ERC2: variants seen among roughly 807,000 people sequenced by gnomAD.
The protein encoded by ERC2 is ERC protein 2.
ERC2 carries 42 observed loss-of-function variants against 114.8 expected under a neutral mutation model. The observed-to-expected ratio is 0.37, with a 90% CI of 0.29 to 0.47. The LOEUF (loss-of-function observed/expected upper bound fraction) is 0.47, where lower values mean the gene tolerates loss of function less well. Among genes scored for constraint, ERC2 ranks in the 20% least tolerant of loss-of-function variants. The pLI is 0.99. For synonymous variants in ERC2, 454 were observed against 425.5 expected (o/e 1.07, Z -0.82); for missense variants, 939 against 1,150.7 (o/e 0.82, Z 2.66).
chr3:56,155,139 T>A (rs1379610988), intron 4 of ERC2, among the ~76,000 whole-genome samples: 1 of 152,190 alleles, frequency 6.6e-6, no homozygotes, highest in Non-Finnish European at 1.5e-5. Flanking sequence ...CTGCCCAGCT[T>A]CCTTTCCTTT....
At chr3:56,214,423 C>T (rs1270192930) in intron 3 of ERC2, among the ~76,000 whole-genome samples, 1 of 151,824 alleles carries the variant, frequency 6.6e-6, no homozygotes, top group Non-Finnish European at 1.5e-5. Context: ...TGAAATGAAG[C>T]ATGAAGAGAA....
chr3:55,936,538 T>A (rs1010800577), intron 13 of ERC2, among the ~76,000 whole-genome samples: 2 of 152,154 alleles, frequency 1.3e-5, no homozygotes, highest in African/African-American at 4.8e-5. Context: ...AGAAAGAGCA[T>A]TCAGAGAAAG....
At chr3:55,930,654 G>T (rs1464684977) in intron 13 of ERC2, among the ~76,000 whole-genome samples, 1 of 152,164 alleles carries the variant, frequency 6.6e-6, no homozygotes. Context: ...AAAAACCCTA[G>T]AAGAAAACCT....
chr3:56,203,931 C>T (rs1423066959), intron 3 of ERC2, among the ~76,000 whole-genome samples: 1 of 152,332 alleles, frequency 6.6e-6, no homozygotes, highest in Non-Finnish European at 1.5e-5. Flanking sequence ...CCTGTAATCC[C>T]AGCACTTTGG....
chr3:55,523,166 A>C (rs907100164), intron 17 of ERC2, among the ~76,000 whole-genome samples: 1 of 152,160 alleles, frequency 6.6e-6, no homozygotes, highest in Non-Finnish European at 1.5e-5. Context: ...TTCCGGGGGC[A>C]CCCTTGAAGC....
intron 10 of ERC2, among the ~76,000 whole-genome samples, chr3:56,001,627 C>T (rs1260551377): frequency 6.6e-6 from 1 of 152,088 alleles, no homozygotes; most frequent in Non-Finnish European, 1.5e-5. Flanking sequence ...GTTGATGATG[C>T]CATGTCACTG....
Position 56,283,201 on chromosome 3 carries a change from T to C in ERC2, c.1074+12818A>G, listed in dbSNP as rs2054463701. Among the ~76,000 whole-genome samples the C allele has an allele frequency of 2.6e-5, 4 of 152,362 alleles. No individual in the cohort carries two copies. In the South Asian group the frequency reaches 8.3e-4, roughly 32 times the overall value. ...AAGATTTAGCCATCGTGCACCATTC[T>C]GTCCTTTAAAGCAGCTAAAGCTTGA... On this transcript the variant is annotated intron_variant, in intron 3 of 17. Coordinates refer to ENST00000288221, the MANE Select transcript of ERC2 (RefSeq NM_015576.3).
chr3:56,007,155 GA>G (rs1197862660), intron 10 of ERC2, 25 bp downstream of exon 10: 1 of 1,528,790 alleles, frequency 6.5e-7, no homozygotes, highest in African/African-American at 1.4e-5. Context: ...AAATAAGCAT[GA>G]TTCTTTTTCT....
At chr3:56,136,158 C>A (rs999514272) in intron 6 of ERC2, among the ~76,000 whole-genome samples, 3 of 152,124 alleles carry the variant, frequency 2.0e-5, no homozygotes, top group Non-Finnish European at 4.4e-5. Flanking sequence ...CACCTCACCC[C>A]ACCCTTCATC....
rs59260283 is a variant in ERC2, at chr3:55,714,661, G to GTATATATATATATGTATATATATA, written c.2713-15150_2713-15149insTATATATATACATATATATATATA. 2.5e-4 allele frequency among the ~76,000 whole-genome samples: 18 copies of GTATATATATATATGTATATATATA among 71,762 alleles called. No homozygotes were observed. In the East Asian group the frequency reaches 2.7e-3, roughly 11 times the overall value. 47.1% of individuals were successfully genotyped at this position (71,762 alleles called of 152,430 possible). ...TATATGTGTGTGTGTGTGTGTGTGT[G>GTATATATATATATGTATATATATA]TGTGTGTATATATATATATATATAT... On this transcript the variant is annotated intron_variant, in intron 15 of 17. Coordinates refer to ENST00000288221, the MANE Select transcript of ERC2 (RefSeq NM_015576.3).
chr3:56,150,369 T>C (rs2081354521), intron 4 of ERC2, among the ~76,000 whole-genome samples: 1 of 152,164 alleles, frequency 6.6e-6, no homozygotes, highest in South Asian at 2.1e-4. Flanking sequence ...ATAGTAATTA[T>C]CATTGTTATT....
intron 2 of ERC2, among the ~76,000 whole-genome samples, chr3:56,329,893 A>G (rs1404190030): frequency 6.6e-6 from 1 of 151,178 alleles, no homozygotes; most frequent in Non-Finnish European, 1.5e-5. Flanking sequence ...TATTTCCACT[A>G]TATATATTTC....
intron 2 of ERC2, among the ~76,000 whole-genome samples, chr3:56,401,355 A>T (rs2060512597): frequency 6.6e-6 from 1 of 152,234 alleles, no homozygotes; most frequent in African/African-American, 2.4e-5. Context: ...CCTAAAAACT[A>T]GTCCCAATAT....
chr3:56,400,251 T>A (rs991039755), intron 2 of ERC2, among the ~76,000 whole-genome samples: 6 of 152,192 alleles, frequency 3.9e-5, no homozygotes, highest in Admixed American at 1.3e-4. Flanking sequence ...GAGCTGGTAG[T>A]TGGGGTTTGG....
chr3:55,519,074 C>T (rs1021486053), intron 17 of ERC2, among the ~76,000 whole-genome samples: 1 of 152,220 alleles, frequency 6.6e-6, no homozygotes, highest in African/African-American at 2.4e-5. Context: ...ATGTCCGAGT[C>T]ATCCTGGAGA....
chr3:55,804,607 G>C (rs974917836), intron 14 of ERC2, among the ~76,000 whole-genome samples: 7 of 152,160 alleles, frequency 4.6e-5, no homozygotes, highest in African/African-American at 1.7e-4. Flanking sequence ...GTGACCCTAA[G>C]AAGAACTGAC....
intron 16 of ERC2, among the ~76,000 whole-genome samples, chr3:55,685,623 A>G (rs1028390302): frequency 3.3e-5 from 5 of 152,112 alleles, no homozygotes; most frequent in African/African-American, 1.2e-4. Flanking sequence ...AACCCCTTGA[A>G]ATTCAATGAA....
At chr3:55,724,720 A>G (rs1195030423) in intron 15 of ERC2, among the ~76,000 whole-genome samples, 1 of 152,222 alleles carries the variant, frequency 6.6e-6, no homozygotes, top group Non-Finnish European at 1.5e-5. Context: ...CTCTGCACAC[A>G]TTATACCCAC....
chr3:56,171,843 C>CTTTTTTTTTTTTT (rs34797642), intron 4 of ERC2, among the ~76,000 whole-genome samples: 7 of 139,220 alleles, frequency 5.0e-5, no homozygotes, highest in African/African-American at 8.0e-5. Context: ...GAAACTCGCT[C>CTTTTTTTTTTTTT]TTTTTTTTTT....
Sources: allele counts gnomAD v4.1 joint callset (sites outside exome capture counted in the v4.1 genomes callset), GRCh38; gene constraint gnomAD v4.1.1; transcripts MANE v1.5; gene names NCBI Gene and HGNC (gene_info 2026-07-23, HGNC 2026-07-21).